Variants in SGCZ observed in about 807,000 individuals in gnomAD.
SGCZ encodes zeta-sarcoglycan.
SGCZ carries 40 observed loss-of-function variants against 41.3 expected under a neutral mutation model. The ratio of observed to expected loss-of-function variants is 0.97; its 90% CI spans 0.75 to 1.26. SGCZ has a LOEUF of 1.26. Ranked by LOEUF, SGCZ falls within the 50% of genes most tolerant of loss-of-function variation. The probability of loss-of-function intolerance (pLI) is 0.00; values close to 1 mark genes in which losing one functional copy is unlikely to be tolerated. For missense variants in SGCZ, 552 were observed against 369.8 expected, an observed-to-expected ratio of 1.49 and a Z score of -4.04; for synonymous variants, 206 against 137.5, an observed-to-expected ratio of 1.50 and a Z score of -3.49.
intron 3 of SGCZ, among the ~76,000 whole-genome samples, chr8:14,250,014 G>A (rs1204031880): frequency 1.3e-5 from 2 of 152,150 alleles, no homozygotes; most frequent in African/African-American, 4.8e-5. Context: ...AATCAATAAT[G>A]TACATACAAA....
intron 4 of SGCZ, among the ~76,000 whole-genome samples, chr8:14,217,803 G>A (rs1361833704): frequency 3.3e-5 from 5 of 151,366 alleles, no homozygotes; most frequent in Non-Finnish European, 7.4e-5. Flanking sequence ...CTAATTTTTT[G>A]TATTTTTGGT....
intron 1 of SGCZ, among the ~76,000 whole-genome samples, chr8:14,653,222 G>T (rs966856112): frequency 1.3e-5 from 2 of 152,026 alleles, no homozygotes; most frequent in African/African-American, 2.4e-5. Flanking sequence ...CCAAAGCAAT[G>T]TGACGTGACA....
intron 1 of SGCZ, among the ~76,000 whole-genome samples, chr8:14,611,855 T>A (rs538277971): frequency 1.6e-4 from 24 of 152,062 alleles, no homozygotes; most frequent in African/African-American, 5.5e-4. Context: ...CAGAAAAAAA[T>A]GGTTTTGATG....
chr8:14,213,903 TA>T (rs1185624585), intron 4 of SGCZ, among the ~76,000 whole-genome samples: 5 of 152,162 alleles, frequency 3.3e-5, no homozygotes, highest in African/African-American at 7.2e-5. Context: ...TAATATCATT[TA>T]TGTAGCTACT....
intron 1 of SGCZ, among the ~76,000 whole-genome samples, chr8:14,977,158 T>C (rs1004756719): frequency 5.3e-5 from 8 of 152,148 alleles, no homozygotes; most frequent in African/African-American, 1.9e-4. Flanking sequence ...TACAGAAACA[T>C]AGGAAAGAGT....
chr8:14,245,495 GAAGAAAACCTAGGCA>G (rs1407882315), intron 3 of SGCZ, among the ~76,000 whole-genome samples: 3 of 152,162 alleles, frequency 2.0e-5, no homozygotes, highest in Non-Finnish European at 4.4e-5. Context: ...AAATACCCTA[GAAGAAAACCTAGGCA>G]TTACCATTCA....
At chr8:14,529,065 C>T (rs1049415235) in intron 2 of SGCZ, among the ~76,000 whole-genome samples, 7 of 152,010 alleles carry the variant, frequency 4.6e-5, no homozygotes, top group African/African-American at 7.2e-5. Flanking sequence ...TGATCTACAT[C>T]GCTCATCAAC....
At chr8:15,132,759 G>A (rs1265845125) in intron 1 of SGCZ, among the ~76,000 whole-genome samples, 1 of 152,280 alleles carries the variant, frequency 6.6e-6, no homozygotes, top group Non-Finnish European at 1.5e-5. Flanking sequence ...CACCATGGCA[G>A]TCAGCAAATG....
intron 2 of SGCZ, among the ~76,000 whole-genome samples, chr8:14,421,796 G>A (rs1220998412): frequency 3.3e-5 from 5 of 151,958 alleles, no homozygotes; most frequent in Admixed American, 3.3e-4. Context: ...TATACTAGGA[G>A]TCAATAAAAT....
At position 14,230,585 on chromosome 8, in the gene SGCZ, T is replaced by C. The variant is rs550135452; in HGVS notation, c.424+7007A>G. Reference sequence around the variant, plus strand: ...AAGTATACGTCCTTCCTAAAAATAGTTTCTGAAGATATCATGATTTCCACA... The same window carrying C: ...AAGTATACGTCCTTCCTAAAAATAGCTTCTGAAGATATCATGATTTCCACA... On this transcript the variant is annotated intron_variant, in intron 4 of 7. Coordinates refer to ENST00000382080, the MANE Select transcript of SGCZ (RefSeq NM_139167.4). 2.0e-4 allele frequency among the ~76,000 whole-genome samples: 31 copies of C among 152,212 alleles called. No homozygotes were observed. In the South Asian group the frequency reaches 3.7e-3, roughly 18 times the overall value.
chr8:14,999,594 C>G (rs77825311), intron 1 of SGCZ, among the ~76,000 whole-genome samples: 7,556 of 152,212 alleles, frequency 0.05, 486 homozygotes, highest in East Asian at 0.15. Context: ...TAGTCAGAGG[C>G]TGCATGAGGG....
At chr8:14,887,419 T>A (rs537505824) in intron 1 of SGCZ, among the ~76,000 whole-genome samples, 9 of 152,186 alleles carry the variant, frequency 5.9e-5, no homozygotes, top group Admixed American at 2.6e-4. Context: ...CATCTTTAGG[T>A]ATGCTAATGT....
intron 2 of SGCZ, among the ~76,000 whole-genome samples, chr8:14,479,614 T>C (rs998339932): frequency 1.3e-5 from 2 of 152,174 alleles, no homozygotes; most frequent in Admixed American, 6.5e-5. Context: ...GCTTCTGCAA[T>C]TTTAATTCCT....
intron 1 of SGCZ, among the ~76,000 whole-genome samples, chr8:14,948,498 C>T (rs575186941): frequency 6.6e-6 from 1 of 151,656 alleles, no homozygotes; most frequent in African/African-American, 2.4e-5. Flanking sequence ...GAGAGGTCTC[C>T]GCTAGATCAA....
intron 2 of SGCZ, among the ~76,000 whole-genome samples, chr8:14,519,202 G>A (rs1802715382): frequency 6.6e-6 from 1 of 151,888 alleles, no homozygotes; most frequent in South Asian, 2.1e-4. Flanking sequence ...GGAATAGAAT[G>A]CTGATTTGAT....
At chr8:14,871,471 A>G (rs1804148836) in intron 1 of SGCZ, among the ~76,000 whole-genome samples, 1 of 152,046 alleles carries the variant, frequency 6.6e-6, no homozygotes, top group African/African-American at 2.4e-5. Flanking sequence ...AATACCAAAG[A>G]CTTGGAACTA....
intron 1 of SGCZ, among the ~76,000 whole-genome samples, chr8:15,057,146 T>G (rs1804740368): frequency 6.6e-6 from 1 of 152,186 alleles, no homozygotes; most frequent in South Asian, 2.1e-4. Flanking sequence ...AGCACAGCAC[T>G]TTCAGGGGAA....
At chr8:14,923,763 A>G (rs1020671390) in intron 1 of SGCZ, among the ~76,000 whole-genome samples, 1 of 152,196 alleles carries the variant, frequency 6.6e-6, no homozygotes, top group African/African-American at 2.4e-5. Flanking sequence ...TTTTAAATTC[A>G]TGTTTTTAAA....
At chr8:14,725,880 A>T (rs77458824) in intron 1 of SGCZ, among the ~76,000 whole-genome samples, 8,994 of 152,300 alleles carry the variant, frequency 0.059, 764 homozygotes, top group African/African-American at 0.19. Flanking sequence ...TTACTAAAAA[A>T]GTAGATATGT....
Sources: allele counts gnomAD v4.1 joint callset (sites outside exome capture counted in the v4.1 genomes callset), GRCh38; gene constraint gnomAD v4.1.1; transcripts MANE v1.5; gene names NCBI Gene and HGNC (gene_info 2026-07-23, HGNC 2026-07-21).